The following GNA12 variants were observed in gnomAD, a reference collection of about 807,000 sequenced individuals.
The protein encoded by GNA12 is G protein subunit alpha 12.
Under a neutral mutation model 26.0 loss-of-function variants are expected in GNA12, and 9 were observed. That is an observed-to-expected ratio of 0.35 (90% confidence interval 0.21 to 0.60). The LOEUF (loss-of-function observed/expected upper bound fraction) is 0.60. Among genes scored for constraint, GNA12 ranks in the 20% least tolerant of loss-of-function variants. GNA12 has a pLI of 0.78. For synonymous variants in GNA12, 264 were observed against 219.6 expected (o/e 1.20, Z -1.79); for missense variants, 405 against 525.8 (o/e 0.77, Z 2.25).
In GNA12 at chr7:2,844,203, C is replaced by T; in HGVS notation, c.-42G>A. 3.2e-6 allele frequency: 3 copies of T among 944,834 alleles called. No individual in the cohort carries two copies. The South Asian group carries it at 1.4e-4, about 44-fold the overall frequency. The allele number at this position is 944,834 out of a possible 1,614,324, so 58.5% of individuals were successfully genotyped here. On this transcript the variant is annotated 5_prime_UTR_variant, in exon 1 of 4. Coordinates refer to ENST00000275364, the MANE Select transcript of GNA12 (RefSeq NM_007353.3). Reference sequence around the variant, plus strand: ...GCCGCGCCCCGCCGGCGCCCGGGGGCCATGGACGCTCCCGCCGGCGAGGGC... The same window carrying T: ...GCCGCGCCCCGCCGGCGCCCGGGGGTCATGGACGCTCCCGCCGGCGAGGGC...
chr7:2,814,203 T>A, intron 1 of GNA12: 2 of 684,712 alleles, frequency 2.9e-6, no homozygotes, highest in Non-Finnish European at 5.3e-6. Context: ...TTCTCCATCA[T>A]AAATCTCCTT....
At chr7:2,739,545 A>T (rs879394396) in intron 2 of GNA12, among the ~76,000 whole-genome samples, 1 of 152,164 alleles carries the variant, frequency 6.6e-6, no homozygotes, top group Admixed American at 6.5e-5. Context: ...TTGTCAGTTG[A>T]TGAACACTTT....
intron 2 of GNA12, among the ~76,000 whole-genome samples, chr7:2,770,579 C>T (rs143010646): frequency 5.9e-5 from 9 of 152,180 alleles, no homozygotes; most frequent in East Asian, 5.8e-4. Context: ...CTACGATAAG[C>T]GTGCCTGTGA....
At chr7:2,824,484 G>A (rs966313733) in intron 1 of GNA12, among the ~76,000 whole-genome samples, 12 of 152,040 alleles carry the variant, frequency 7.9e-5, no homozygotes, top group African/African-American at 2.7e-4. Context: ...ACACGCTCTC[G>A]CCCTGCTTTC....
intron 1 of GNA12, among the ~76,000 whole-genome samples, chr7:2,810,156 G>T (rs781300089): frequency 6.6e-6 from 1 of 152,252 alleles, no homozygotes; most frequent in Non-Finnish European, 1.5e-5. Flanking sequence ...CGGGTGGCTT[G>T]AACAGCAGAG....
chr7:2,795,148 A>G lies in GNA12; in HGVS notation c.310-5T>C, dbSNP rs1792626835. ...ATCAACAAGAACCCTTGAGCCCTAGAAAATAAAAGAAAGAAGAGAGGATTT... is the reference window on the plus strand; with the variant it reads ...ATCAACAAGAACCCTTGAGCCCTAGGAAATAAAAGAAAGAAGAGAGGATTT... On this transcript the variant is annotated splice_polypyrimidine_tract_variant and splice_region_variant and intron_variant, in intron 1 of 3. Transcript: ENST00000275364. 1 of 1,604,924 alleles carries G rather than the reference A, an allele frequency of 6.2e-7. No homozygotes were observed. Among genetic ancestry groups the G allele is most frequent in the African/African-American group, 1.3e-5 (1 of 74,670 alleles).
chr7:2,741,305 T>A (rs984981684), intron 2 of GNA12, among the ~76,000 whole-genome samples: 4 of 149,506 alleles, frequency 2.7e-5, no homozygotes, highest in Non-Finnish European at 5.9e-5. Context: ...CAGTGAGCCA[T>A]GATTGCGCCA....
intron 2 of GNA12, among the ~76,000 whole-genome samples, chr7:2,757,152 T>G (rs1417425831): frequency 3.4e-5 from 4 of 116,134 alleles, no homozygotes; most frequent in African/African-American, 1.2e-4. Flanking sequence ...TTTTTTTTTT[T>G]TGAGACGGAG....
At position 2,728,127 on chromosome 7, in the gene GNA12, C is replaced by A. The variant is rs1789702133; in HGVS notation, c.*3054G>T. 1.3e-5 allele frequency: 2 copies of A among 151,708 alleles called. No homozygotes were observed. The highest frequency in any genetic ancestry group is 1.3e-4 in the Admixed American group (2 of 15,210). 9.4% of individuals were successfully genotyped at this position (151,708 alleles called of 1,614,324 possible). A position where few individuals can be genotyped will look rare whatever the true frequency, so the allele number is the denominator to read the frequency against. Reference sequence around the variant, plus strand: ...CTATTTTATATTAAGCAAAGAAAGACTAAATTTATTTTAATAAACATTCAG... The same window carrying A: ...CTATTTTATATTAAGCAAAGAAAGAATAAATTTATTTTAATAAACATTCAG... On this transcript the variant is annotated 3_prime_UTR_variant, in exon 4 of 4. Transcript: ENST00000275364.
intron 1 of GNA12, among the ~76,000 whole-genome samples, chr7:2,828,499 A>T (rs114650579): frequency 0.021 from 3,161 of 152,244 alleles, 114 homozygotes; most frequent in African/African-American, 0.072. Flanking sequence ...GATTACAGGC[A>T]TGAGCCTCCA....
intron 2 of GNA12, among the ~76,000 whole-genome samples, chr7:2,760,968 G>C (rs1471051195): frequency 2.0e-5 from 3 of 152,218 alleles, no homozygotes; most frequent in African/African-American, 7.2e-5. Flanking sequence ...CCACAGTCTT[G>C]ACGAAGTTGC....
In GNA12 at chr7:2,843,991, C is replaced by A; in HGVS notation, c.171G>T (p.Leu57=). The change falls in exon 1 of 4, where the codon CTG becomes CTT. Residue 57 remains leucine, a synonymous_variant. Transcript: ENST00000275364. The part of the protein sequence containing the change: ...LARERRAVRR[L]VKILLLGAGE... ...CCGCGCCCAGCAGCAGGATCTTCAC[C>A]AGGCGCCGGACCGCGCGCCGCTCGC... is the stretch of plus-strand genomic sequence containing the variant. The A allele has an allele frequency of 2.5e-6, 4 of 1,576,920 alleles. No homozygotes were observed. Among genetic ancestry groups the A allele is most frequent in the East Asian group, 2.4e-5 (1 of 41,730 alleles).
intron 2 of GNA12, among the ~76,000 whole-genome samples, chr7:2,749,656 T>TATA (rs1007594412): frequency 1.3e-5 from 2 of 151,708 alleles, no homozygotes; most frequent in Non-Finnish European, 2.9e-5. Context: ...GAACTTAAAG[T>TATA]ATAATAATAA....
At chr7:2,778,092 T>C (rs1207122712) in intron 2 of GNA12, among the ~76,000 whole-genome samples, 2 of 152,220 alleles carry the variant, frequency 1.3e-5, no homozygotes, top group Admixed American at 6.5e-5. Context: ...CTTAGCGGCA[T>C]AGTCTTTTCC....
chr7:2,812,048 G>A (rs1176121827), intron 1 of GNA12, among the ~76,000 whole-genome samples: 1 of 152,196 alleles, frequency 6.6e-6, no homozygotes, highest in Non-Finnish European at 1.5e-5. Context: ...GAGAACCCGC[G>A]TTTCACGCGA....
At chr7:2,769,282 G>T (rs1316140108) in intron 2 of GNA12, among the ~76,000 whole-genome samples, 3 of 152,126 alleles carry the variant, frequency 2.0e-5, no homozygotes, top group Non-Finnish European at 2.9e-5. Context: ...ATCACTGGCA[G>T]GTATTTACGT....
At position 2,762,654 on chromosome 7, in the gene GNA12, C is replaced by T; in HGVS notation, c.526-29153G>A. On this transcript the variant is annotated intron_variant, in intron 2 of 3. Transcript: ENST00000275364. The stretch of plus-strand genomic sequence containing the variant: ...TGCCATGAAGCACAGAGCGGCAGGA[C>T]GATGAGAGGATAAATCATTTGGAAA... 2.5e-6 allele frequency: 4 copies of T among 1,598,858 alleles called. No homozygotes were observed. The South Asian group carries it at 3.4e-5, about 14-fold the overall frequency.
intron 1 of GNA12, among the ~76,000 whole-genome samples, chr7:2,842,723 C>G (rs1050155415): frequency 6.6e-6 from 1 of 152,208 alleles, no homozygotes; most frequent in African/African-American, 2.4e-5. Context: ...TGGAGGAATT[C>G]TGAACACTGG....
At chr7:2,784,042 T>C (rs1220149055) in intron 2 of GNA12, among the ~76,000 whole-genome samples, 5 of 152,364 alleles carry the variant, frequency 3.3e-5, no homozygotes, top group African/African-American at 1.2e-4. Context: ...AGCAGGTCTT[T>C]AGATAACTAG....
Sources: allele counts gnomAD v4.1 joint callset (sites outside exome capture counted in the v4.1 genomes callset), GRCh38; gene constraint gnomAD v4.1.1; transcripts MANE v1.5; gene names NCBI Gene and HGNC (gene_info 2026-07-23, HGNC 2026-07-21).